TMOD1: variants seen among roughly 807,000 people sequenced by gnomAD.
TMOD1 encodes tropomodulin 1, also known as tropomodulin-1.
A neutral mutation model predicts 40.6 loss-of-function variants in TMOD1; 17 were observed. That is an observed-to-expected ratio of 0.42 (90% CI 0.29 to 0.63). The LOEUF (loss-of-function observed/expected upper bound fraction) is 0.63. Ranked by LOEUF, TMOD1 falls within the 20% of genes least tolerant of loss-of-function variation. The pLI, the probability that TMOD1 is intolerant of heterozygous loss-of-function variation, is 0.22. For missense variants in TMOD1, 391 were observed against 447.6 expected, an observed-to-expected ratio of 0.87 and a Z score of 1.14; for synonymous variants, 181 against 175.0, an observed-to-expected ratio of 1.03 and a Z score of -0.27.
intron 1 of TMOD1, among the ~76,000 whole-genome samples, chr9:97,515,879 C>T (rs1183661994): frequency 2.0e-5 from 3 of 152,082 alleles, no homozygotes; most frequent in East Asian, 1.9e-4. Flanking sequence ...AACACGCCCC[C>T]GGGGACATGA....
intron 2 of TMOD1, among the ~76,000 whole-genome samples, chr9:97,539,335 C>G (rs1423911509): frequency 6.6e-6 from 1 of 152,174 alleles, no homozygotes; most frequent in Non-Finnish European, 1.5e-5. Flanking sequence ...TTGAGTAGCC[C>G]GGGTGTGAGA....
chr9:97,547,253 C>T (rs1830379207), intron 3 of TMOD1, among the ~76,000 whole-genome samples: 1 of 151,998 alleles, frequency 6.6e-6, no homozygotes, highest in Non-Finnish European at 1.5e-5. Flanking sequence ...CCACAGGCCT[C>T]CTTCTGCTGT....
intron 3 of TMOD1, among the ~76,000 whole-genome samples, chr9:97,552,545 G>A (rs1830470643): frequency 6.6e-6 from 1 of 152,202 alleles, no homozygotes; most frequent in Non-Finnish European, 1.5e-5. Context: ...CACATAGGAA[G>A]CACTCAATAA....
intron 1 of TMOD1, among the ~76,000 whole-genome samples, chr9:97,503,206 G>GT (rs1441971655): frequency 3.9e-5 from 6 of 152,184 alleles, no homozygotes; most frequent in African/African-American, 1.4e-4. Context: ...CACGCCAGAA[G>GT]TTCTGCAGTC....
intron 1 of TMOD1, among the ~76,000 whole-genome samples, chr9:97,514,066 ATT>A (rs199672940): frequency 6.8e-6 from 1 of 146,010 alleles, no homozygotes. Flanking sequence ...ACTGTCTTAA[ATT>A]TTTTTTTTTT....
At chr9:97,518,613 AGCCAGGCACCCCTCT>A (rs1378687235) in intron 1 of TMOD1, among the ~76,000 whole-genome samples, 1 of 152,214 alleles carries the variant, frequency 6.6e-6, no homozygotes, top group African/African-American at 2.4e-5. Context: ...GCTACCCTTG[AGCCAGGCACCCCTCT>A]GCCCAGTCAT....
At chr9:97,584,907 T>A (rs561589867) in intron 8 of TMOD1, among the ~76,000 whole-genome samples, 93 of 152,320 alleles carry the variant, frequency 6.1e-4, no homozygotes, top group Non-Finnish European at 1.1e-3. Flanking sequence ...TCTCTGCAAG[T>A]GAGATGGGTT....
chr9:97,587,395 A>C (rs1049709719), intron 8 of TMOD1, among the ~76,000 whole-genome samples: 3 of 152,084 alleles, frequency 2.0e-5, no homozygotes, highest in African/African-American at 7.2e-5. Context: ...TGTTGTTGCT[A>C]ATTTTTATTT....
Position 97,561,552 on chromosome 9 carries a change from G to A in TMOD1, c.398-1180G>A, listed in dbSNP as rs79774339. Among the ~76,000 whole-genome samples the A allele has an allele frequency of 5.1e-3, 778 of 152,364 alleles. 36 individuals are homozygous for A. The East Asian group carries it at 0.1, about 20-fold the overall frequency. ...AAATTGGGAATGATGGATACAAAGTGTCTTCCCTGGCCCAGAGCATGTGCT... is the reference window on the plus strand; with the variant it reads ...AAATTGGGAATGATGGATACAAAGTATCTTCCCTGGCCCAGAGCATGTGCT... On this transcript the variant is annotated intron_variant, in intron 4 of 9. Transcript: ENST00000259365.
chr9:97,575,215 G>A (rs1830910713), intron 8 of TMOD1, among the ~76,000 whole-genome samples: 1 of 152,020 alleles, frequency 6.6e-6, no homozygotes, highest in African/African-American at 2.4e-5. Flanking sequence ...CCACTGGGAG[G>A]AACAAACAAC....
In TMOD1 at chr9:97,600,114, A is replaced by G. The variant is rs1348232570; in HGVS notation, c.*416A>G. ...AGTATTATAAAACACTTTATTACAA[A>G]TTTGTCTTAGCTATTAGCAAATAAA... On this transcript the variant is annotated 3_prime_UTR_variant, in exon 10 of 10. Transcript: ENST00000259365. 1.0e-5 allele frequency: 10 copies of G among 1,004,994 alleles called. No individual in the cohort carries two copies. Among genetic ancestry groups the G allele is most frequent in the Non-Finnish European group, 1.2e-5 (10 of 839,960 alleles). The allele number at this position is 1,004,994 out of a possible 1,614,324, so 62.3% of individuals were successfully genotyped here.
intron 1 of TMOD1, among the ~76,000 whole-genome samples, chr9:97,508,743 C>A (rs1280107464): frequency 1.3e-5 from 2 of 151,940 alleles, no homozygotes; most frequent in African/African-American, 4.8e-5. Context: ...TAAACAGGGT[C>A]CCCCCCAAAA....
chr9:97,594,486 C>A (rs1435418982), intron 9 of TMOD1, among the ~76,000 whole-genome samples: 2 of 152,204 alleles, frequency 1.3e-5, no homozygotes, highest in Non-Finnish European at 2.9e-5. Flanking sequence ...GCAGGCCTGG[C>A]AGCAGGGAGC....
intron 9 of TMOD1, among the ~76,000 whole-genome samples, chr9:97,595,571 G>A (rs1287023867): frequency 2.3e-5 from 3 of 132,046 alleles, no homozygotes; most frequent in Admixed American, 8.4e-5. Context: ...AGGCTGAATC[G>A]TACTCCATTG....
intron 8 of TMOD1, among the ~76,000 whole-genome samples, chr9:97,578,655 C>T (rs1293327556): frequency 6.6e-6 from 1 of 152,190 alleles, no homozygotes; most frequent in Non-Finnish European, 1.5e-5. Context: ...TCCATCTACA[C>T]ATGGATTCAG....
upstream of TMOD1, among the ~76,000 whole-genome samples, chr9:97,501,466 T>A (rs1829497863): frequency 6.6e-6 from 1 of 151,806 alleles, no homozygotes. Context: ...CTCGCTCGGC[T>A]GCAGCCCGAC....
At position 97,513,544 on chromosome 9, in the gene TMOD1, GGT is replaced by G. The variant is rs921709458; in HGVS notation, c.-48-10593_-48-10592del. 7 of 152,164 alleles carry G rather than the reference GGT, an allele frequency of 4.6e-5. No individual in the cohort carries two copies. The highest frequency in any genetic ancestry group is 1.4e-4 in the African/African-American group (6 of 41,414). 9.4% of individuals were successfully genotyped at this position (152,164 alleles called of 1,614,324 possible). Reference sequence around the variant, plus strand: ...AGGGGTGGTGGATGAAGAGAGGACGGGTGTGACATTATCCCAGGATCTCTGTG... The same window carrying G: ...AGGGGTGGTGGATGAAGAGAGGACGGGTGACATTATCCCAGGATCTCTGTG... On this transcript the variant is annotated intron_variant, in intron 1 of 9. Transcript: ENST00000259365. The surrounding 1 kb of genome is among the most constrained non-coding windows in gnomAD (Gnocchi z 4.1).
At chr9:97,572,007 G>A (rs1830825647) in intron 8 of TMOD1, among the ~76,000 whole-genome samples, 1 of 152,228 alleles carries the variant, frequency 6.6e-6, no homozygotes, top group South Asian at 2.1e-4. Context: ...GATGGTTGCA[G>A]AAATGACCAT....
chr9:97,565,921 T>C lies in TMOD1; in HGVS notation c.692T>C (p.Ile231Thr). The C allele has an allele frequency of 6.2e-7, 1 of 1,614,218 alleles. No individual in the cohort carries two copies. ...KENSYVKKFSIVGTRSNDPVA... is the reference protein window; with the variant it reads ...KENSYVKKFSTVGTRSNDPVA... ...AACTCATATGTGAAGAAGTTCAGCA[T>C]CGTGGGGACACGGAGTAATGACCCC... The change falls in exon 7 of 10, where the codon ATC (isoleucine) becomes ACC (threonine). Residue 231 changes from isoleucine to threonine, a missense_variant. By Grantham distance (89) the Ile-to-Thr change is moderately conservative (BLOSUM62 -1). Transcript: ENST00000259365.
Sources: allele counts gnomAD v4.1 joint callset (sites outside exome capture counted in the v4.1 genomes callset), GRCh38; gene constraint gnomAD v4.1.1; non-coding constraint Gnocchi (gnomAD v3.1); transcripts MANE v1.5; gene names NCBI Gene and HGNC (gene_info 2026-07-23, HGNC 2026-07-21).